CDK13: variants seen among roughly 807,000 people sequenced by gnomAD.
The protein encoded by CDK13 is cyclin dependent kinase 13.
CDK13 carries 40 observed loss-of-function variants against 137.6 expected under a neutral mutation model. The observed-to-expected ratio is 0.29, with a 90% CI of 0.23 to 0.38. The LOEUF is 0.38. Ranked by LOEUF, CDK13 falls within the 10% of genes least tolerant of loss-of-function variation. CDK13 has a pLI of 1.00. For synonymous variants in CDK13, 869 were observed against 760.1 expected (o/e 1.14, Z -2.36); for missense variants, 1,704 against 1,951.8 (o/e 0.87, Z 2.39).
chr7:39,965,030 T>A (rs1427067590), intron 1 of CDK13, among the ~76,000 whole-genome samples: 1 of 152,162 alleles, frequency 6.6e-6, no homozygotes, highest in East Asian at 1.9e-4. Context: ...TGCTGAGGAG[T>A]GCTTTACTTC....
rs376599474 is a variant in CDK13, at chr7:40,039,428, C to T, written c.2354-6408C>T. Among the ~76,000 whole-genome samples the T allele has an allele frequency of 9.7e-4, 78 of 80,726 alleles. 1 individual carries two copies. The East Asian group carries it at 9.7e-3, about 10-fold the overall frequency. 53.0% of individuals were successfully genotyped at this position (80,726 alleles called of 152,430 possible). A position where few individuals can be genotyped will look rare whatever the true frequency, so the allele number is the denominator to read the frequency against. On this transcript the variant is annotated intron_variant, in intron 5 of 13. Coordinates refer to ENST00000181839, the MANE Select transcript of CDK13 (RefSeq NM_003718.5). ...GATTACAGGTGCCCACGACCATGCC[C>T]GGCTAATTTTTTTTTTTTTTTTTTT...
At chr7:39,959,947 G>A (rs900373572) in intron 1 of CDK13, among the ~76,000 whole-genome samples, 1 of 147,700 alleles carries the variant, frequency 6.8e-6, no homozygotes, top group Non-Finnish European at 1.5e-5. Context: ...TTTTTGATTT[G>A]TCTCTGTGTG....
chr7:39,967,423 C>A (rs866145525), intron 1 of CDK13, among the ~76,000 whole-genome samples: 2 of 151,752 alleles, frequency 1.3e-5, no homozygotes, highest in African/African-American at 4.8e-5. Flanking sequence ...CAGAGTGAGA[C>A]CCTGTCTCAA....
chr7:40,056,255 T>C (rs1232077475), intron 7 of CDK13, among the ~76,000 whole-genome samples: 2 of 152,220 alleles, frequency 1.3e-5, no homozygotes, highest in Non-Finnish European at 2.9e-5. Flanking sequence ...AATTTTTGAG[T>C]AAATCAGGTG....
At chr7:40,054,843 C>T (rs1297019573) in intron 7 of CDK13, among the ~76,000 whole-genome samples, 1 of 152,128 alleles carries the variant, frequency 6.6e-6, no homozygotes, top group Non-Finnish European at 1.5e-5. Flanking sequence ...GAAATAGTGT[C>T]TGCCTTCTTT....
At chr7:39,992,198 G>GTGTA (rs1435546172) in intron 2 of CDK13, among the ~76,000 whole-genome samples, 3 of 136,588 alleles carry the variant, frequency 2.2e-5, no homozygotes, top group African/African-American at 8.0e-5. Flanking sequence ...GTGTGTGTGT[G>GTGTA]TGTATACACT....
At chr7:40,077,113 C>T (rs773595131) in intron 9 of CDK13, among the ~76,000 whole-genome samples, 41 of 152,032 alleles carry the variant, frequency 2.7e-4, no homozygotes, top group East Asian at 1.9e-4. Context: ...TACAGATAAA[C>T]GAGAGTAAAG....
chr7:39,984,910 TAATCGCTTGAACCC>T, intron 1 of CDK13: 1 of 151,058 alleles, frequency 6.6e-6, no homozygotes, highest in Non-Finnish European at 1.5e-5. Context: ...GGAGGCAGGA[TAATCGCTTGAACCC>T]GGTAGGCAAA....
rs770486453 is a variant in CDK13 at position 40,094,527 on chromosome 7, A to G, written c.4086A>G (p.Pro1362=). 5 of 1,612,440 alleles carry G rather than the reference A, an allele frequency of 3.1e-6. No homozygotes were observed. The highest frequency in any genetic ancestry group is 3.4e-6 in the Non-Finnish European group (4 of 1,179,322). The change falls in exon 14 of 14, where the codon CCA becomes CCG. Residue 1362 remains proline (P), a synonymous_variant. Coordinates refer to ENST00000181839, the MANE Select transcript of CDK13 (RefSeq NM_003718.5). ...GTCTAGGAAGCAGTTCTGCTCCACC[A>G]CTAGAACGACGTAGTTTCATTGGAA... ...NDGLGSSSAP[P]LERRSFIGNS...
intron 9 of CDK13, chr7:40,066,982 T>G (rs1363422229): frequency 6.6e-6 from 1 of 151,950 alleles, no homozygotes; most frequent in African/African-American, 2.4e-5. Context: ...ACCAGCCAAC[T>G]CTTGGTCCTG....
At position 39,950,892 on chromosome 7, in the gene CDK13, G is replaced by C; in HGVS notation, c.251G>C (p.Gly84Ala). The change falls in exon 1 of 14, where the codon GGC (glycine) becomes GCC (alanine). Residue 84 changes from glycine (G) to alanine (A), a missense_variant. Transcript: ENST00000181839. ...AAASSSCFSP[G>A]PPLEVKRLAR... Reference sequence around the variant, plus strand: ...GCCTCCTCCTCTTGCTTCAGCCCGGGCCCCCCTCTGGAGGTCAAGCGGCTG... The same window carrying C: ...GCCTCCTCCTCTTGCTTCAGCCCGGCCCCCCCTCTGGAGGTCAAGCGGCTG... 6.7e-6 allele frequency: 9 copies of C among 1,350,736 alleles called. No homozygotes were observed. Among genetic ancestry groups the C allele is most frequent in the Admixed American group, 8.2e-5 (2 of 24,462 alleles). 83.7% of individuals were successfully genotyped at this position (1,350,736 alleles called of 1,614,324 possible).
chr7:39,988,511 T>G (rs1260302735), intron 2 of CDK13, among the ~76,000 whole-genome samples: 1 of 152,140 alleles, frequency 6.6e-6, no homozygotes, highest in Non-Finnish European at 1.5e-5. Flanking sequence ...TCAATATGAT[T>G]TTGGGTATTA....
intron 9 of CDK13, 38 bp downstream of exon 9, chr7:40,063,138 A>C (rs1005566052): frequency 3.5e-6 from 5 of 1,427,342 alleles, no homozygotes; most frequent in Admixed American, 3.4e-5. Context: ...GAATTGGGAG[A>C]GTGTCATACT....
At chr7:40,046,893 T>A (rs1785753848) in intron 6 of CDK13, among the ~76,000 whole-genome samples, 1 of 149,004 alleles carries the variant, frequency 6.7e-6, no homozygotes, top group Admixed American at 6.9e-5. Context: ...TCCCAGCTGC[T>A]AGAAAGCCTG....
chr7:39,989,384 A>C (rs1784410917), intron 2 of CDK13, among the ~76,000 whole-genome samples: 1 of 151,332 alleles, frequency 6.6e-6, no homozygotes, highest in Non-Finnish European at 1.5e-5. Flanking sequence ...CTATATGAGT[A>C]GTTTTCCTAG....
intron 5 of CDK13, among the ~76,000 whole-genome samples, chr7:40,031,680 C>G (rs943803365): frequency 8.6e-5 from 13 of 151,856 alleles, no homozygotes; most frequent in Admixed American, 8.5e-4. Flanking sequence ...GGATCTCGCT[C>G]TGTCATCCAC....
At chr7:39,956,322 G>A (rs1787406826) in intron 1 of CDK13, among the ~76,000 whole-genome samples, 1 of 152,196 alleles carries the variant, frequency 6.6e-6, no homozygotes, top group Non-Finnish European at 1.5e-5. Flanking sequence ...TGATGGCCTT[G>A]TGTTTTGCTC....
intron 1 of CDK13, chr7:39,952,075 C>T (rs1042882473): frequency 9.0e-5 from 36 of 398,936 alleles, no homozygotes; most frequent in Non-Finnish European, 1.4e-4. Context: ...TTTCTCCTAG[C>T]TGTGGCAGGG....
chr7:40,012,308 A>T (rs919571910), intron 5 of CDK13, among the ~76,000 whole-genome samples: 15 of 152,170 alleles, frequency 9.9e-5, no homozygotes, highest in African/African-American at 3.1e-4. Flanking sequence ...TCTCCAAAAG[A>T]ATTGTCATTA....
Sources: allele counts gnomAD v4.1 joint callset (sites outside exome capture counted in the v4.1 genomes callset), GRCh38; gene constraint gnomAD v4.1.1; transcripts MANE v1.5; gene names NCBI Gene and HGNC (gene_info 2026-07-23, HGNC 2026-07-21).